Variants in XIRP2 observed in about 807,000 individuals in gnomAD.
The protein encoded by XIRP2 is xin actin binding repeat containing 2, also known as xin actin-binding repeat-containing protein 2.
In XIRP2, 236 loss-of-function variants were observed where a neutral mutation model predicts 277.0. The ratio of observed to expected loss-of-function variants is 0.85; its 90% CI spans 0.77 to 0.95. The LOEUF (loss-of-function observed/expected upper bound fraction) is 0.95. XIRP2 is among the 40% of genes least tolerant of loss of function. XIRP2 has a pLI of 0.00. For missense variants in XIRP2, 4,640 were observed against 4,157.5 expected (o/e 1.12, Z -3.19); for synonymous variants, 1,490 against 1,416.5 (o/e 1.05, Z -1.17).
intron 2 of XIRP2, among the ~76,000 whole-genome samples, chr2:167,068,017 C>T (rs1469581552): frequency 6.6e-6 from 1 of 152,094 alleles, no homozygotes; most frequent in Non-Finnish European, 1.5e-5. Context: ...CAAGGAACTC[C>T]CCCTGAAACT....
intron 2 of XIRP2, among the ~76,000 whole-genome samples, chr2:166,963,904 TCAGA>T (rs1231441332): frequency 1.3e-5 from 2 of 151,754 alleles, no homozygotes; most frequent in Admixed American, 1.3e-4. Context: ...AATAGAAGCA[TCAGA>T]CAGTGTTCGG....
chr2:167,140,528 G>C (rs919457650), intron 3 of XIRP2, among the ~76,000 whole-genome samples: 1 of 152,096 alleles, frequency 6.6e-6, no homozygotes, highest in Admixed American at 6.6e-5. Context: ...CCCCTCTAAC[G>C]AGACTCAGAG....
intron 2 of XIRP2, among the ~76,000 whole-genome samples, chr2:166,977,574 AT>A (rs1686748214): frequency 6.6e-6 from 1 of 152,090 alleles, no homozygotes; most frequent in Non-Finnish European, 1.5e-5. Context: ...TATTTTAGTA[AT>A]TTTTTCCATT....
Position 167,245,100 on chromosome 2 carries a change from T to A in XIRP2, c.3708T>A (p.Val1236=). Residue 1236 remains valine (V), a synonymous_variant, in exon 9 of 11, where the codon GTT becomes GTA. Coordinates refer to ENST00000409195, the MANE Select transcript of XIRP2 (RefSeq NM_152381.6). ...CTGAAGATATTCAGAAAGGCAATGT[T>A]TTAAATTGTAGGTGGCTTTTTGAAA... ...LKTEDIQKGN[V]LNCRWLFENQ... 1 of 1,610,402 alleles carries A rather than the reference T, an allele frequency of 6.2e-7. No homozygotes were observed. Among genetic ancestry groups the A allele is most frequent in the Non-Finnish European group, 8.5e-7 (1 of 1,178,970 alleles).
chr2:166,965,026 T>C (rs1686393440), intron 2 of XIRP2, among the ~76,000 whole-genome samples: 1 of 151,864 alleles, frequency 6.6e-6, no homozygotes, highest in African/African-American at 2.4e-5. Context: ...CATCATCAGT[T>C]GCCCACCACA....
chr2:167,250,090 G>T lies in XIRP2; in HGVS notation c.8698G>T (p.Glu2900Ter), dbSNP rs1442661983. The T allele has an allele frequency of 1.2e-6, 2 of 1,613,428 alleles. No individual in the cohort carries two copies. Residue 2900 changes from glutamate (E) to a stop codon, truncating the protein, a stop_gained, in exon 9 of 11, where the codon GAA becomes TAA. Transcript: ENST00000409195. LOFTEE classifies it high-confidence loss of function. ...YNSLQEEKCL[E>*]VKGIQEKQVF... ...TAGTCTGCAGGAAGAAAAATGTCTC[G>T]AAGTCAAGGGCATACAAGAGAAACA...
At chr2:167,178,538 A>C (rs1198428866) in intron 3 of XIRP2, among the ~76,000 whole-genome samples, 1 of 152,178 alleles carries the variant, frequency 6.6e-6, no homozygotes, top group Non-Finnish European at 1.5e-5. Flanking sequence ...TATTCCACTA[A>C]AAAATAATGC....
At chr2:166,922,752 T>A (rs1435892467) in intron 2 of XIRP2, among the ~76,000 whole-genome samples, 4 of 149,586 alleles carry the variant, frequency 2.7e-5, no homozygotes, top group Non-Finnish European at 4.4e-5. Context: ...CGAGACTCCA[T>A]CTCAAAAGAA....
intron 2 of XIRP2, among the ~76,000 whole-genome samples, chr2:167,045,824 G>A: frequency 6.6e-6 from 1 of 152,002 alleles, no homozygotes; most frequent in Non-Finnish European, 1.5e-5. Flanking sequence ...AAGCAGTTTG[G>A]ACATTTCTCA....
chr2:167,230,900 C>T (rs539537271), intron 5 of XIRP2, among the ~76,000 whole-genome samples: 16 of 152,028 alleles, frequency 1.1e-4, no homozygotes, highest in African/African-American at 9.7e-5. Context: ...GACTTATTTA[C>T]GTGATTTCTT....
intron 3 of XIRP2, among the ~76,000 whole-genome samples, chr2:167,157,275 A>T (rs1692230047): frequency 6.6e-6 from 1 of 150,974 alleles, no homozygotes; most frequent in Admixed American, 6.6e-5. Flanking sequence ...TCAGGAATTC[A>T]TTCATTCAAG....
At chr2:167,022,262 T>C (rs1448545725) in intron 2 of XIRP2, among the ~76,000 whole-genome samples, 1 of 152,116 alleles carries the variant, frequency 6.6e-6, no homozygotes, top group Non-Finnish European at 1.5e-5. Flanking sequence ...AAACAACAGA[T>C]ATTTTTATGT....
intron 2 of XIRP2, among the ~76,000 whole-genome samples, chr2:167,059,450 A>AAAAAATAAAAT (rs1689124772): frequency 7.1e-6 from 1 of 140,300 alleles, no homozygotes; most frequent in Non-Finnish European, 1.5e-5. Context: ...ACATGTGGAA[A>AAAAAATAAAAT]AAAATAAAAT....
At chr2:167,168,287 T>A (rs1223693951) in intron 3 of XIRP2, among the ~76,000 whole-genome samples, 2 of 152,182 alleles carry the variant, frequency 1.3e-5, no homozygotes, top group Admixed American at 6.5e-5. Context: ...TAACATTACT[T>A]TGCGGGAAAC....
chr2:167,162,682 T>A (rs1692406368), intron 3 of XIRP2, among the ~76,000 whole-genome samples: 1 of 152,168 alleles, frequency 6.6e-6, no homozygotes, highest in African/African-American at 2.4e-5. Flanking sequence ...TTCGAATGTA[T>A]TGATATTTTC....
At chr2:166,978,760 C>A (rs1686785455) in intron 2 of XIRP2, among the ~76,000 whole-genome samples, 1 of 152,104 alleles carries the variant, frequency 6.6e-6, no homozygotes, top group Non-Finnish European at 1.5e-5. Context: ...AGGCAAGGAT[C>A]ACTTGAGCCC....
chr2:166,892,648 C>T (rs1684133332), intron 1 of XIRP2, among the ~76,000 whole-genome samples: 2 of 151,904 alleles, frequency 1.3e-5, no homozygotes, highest in Non-Finnish European at 2.9e-5. Flanking sequence ...CATCCAGGTC[C>T]CCACAGCAAA....
At chr2:167,178,517 A>T (rs1692918900) in intron 3 of XIRP2, among the ~76,000 whole-genome samples, 2 of 152,064 alleles carry the variant, frequency 1.3e-5, no homozygotes, top group African/African-American at 4.8e-5. Flanking sequence ...TTGATTCGGG[A>T]TGGTTATTTT....
chr2:166,914,186 T>C (rs1307879237), intron 2 of XIRP2, among the ~76,000 whole-genome samples: 1 of 152,170 alleles, frequency 6.6e-6, no homozygotes, highest in Non-Finnish European at 1.5e-5. Flanking sequence ...TGCAGGGCCA[T>C]GACCCAGAAA....
Sources: allele counts gnomAD v4.1 joint callset (sites outside exome capture counted in the v4.1 genomes callset), GRCh38; gene constraint gnomAD v4.1.1; transcripts MANE v1.5; gene names NCBI Gene and HGNC (gene_info 2026-07-23, HGNC 2026-07-21).